COL22A1: variants seen among roughly 807,000 people sequenced by gnomAD.
COL22A1 encodes the protein collagen alpha-1(XXII) chain.
COL22A1 carries 221 observed loss-of-function variants against 248.9 expected under a neutral mutation model. The observed-to-expected ratio is 0.89, with a 90% CI of 0.80 to 0.99. The LOEUF (loss-of-function observed/expected upper bound fraction) is 0.99, where lower values mean the gene tolerates loss of function less well. Ranked by LOEUF, COL22A1 falls within the 50% of genes least tolerant of loss-of-function variation. The pLI, the probability that COL22A1 is intolerant of heterozygous loss-of-function variation, is 0.00. For synonymous variants in COL22A1, 891 were observed against 793.4 expected (o/e 1.12, Z -2.07); for missense variants, 2,240 against 2,179.0 (o/e 1.03, Z -0.56).
At chr8:138,883,359 C>T (rs1824390531) in intron 1 of COL22A1, 115 bp from the exon 2 acceptor site, 1 of 607,056 alleles carries the variant, frequency 1.6e-6, no homozygotes, top group Non-Finnish European at 2.9e-6. Flanking sequence ...CCCATCTTCC[C>T]TCCCGGATTC....
At position 138,606,414 on chromosome 8, in the gene COL22A1, T is replaced by C; in HGVS notation, c.4071A>G (p.Gly1357=). Residue 1357 remains glycine (G), a synonymous_variant, in exon 58 of 65, where the codon GGA becomes GGG. Transcript: ENST00000303045. ...KGSKGENGSP[G]LPGFLGPRGP... is the part of the protein sequence containing the mutation. ...CACGGGGACCCAGGAAGCCAGGAAG[T>C]CCTGGGCTGCCATTTTCCCCTTTGC... is the stretch of plus-strand genomic sequence containing the variant. 6.2e-7 allele frequency: 1 copy of C among 1,613,606 alleles called. No individual in the cohort carries two copies. Among genetic ancestry groups the C allele is most frequent in the East Asian group, 2.2e-5 (1 of 44,846 alleles).
chr8:138,883,498 C>T (rs570491305), intron 1 of COL22A1, among the ~76,000 whole-genome samples: 2 of 152,270 alleles, frequency 1.3e-5, no homozygotes, highest in East Asian at 1.9e-4. Flanking sequence ...TAGGAGAGGG[C>T]CTTGTGCCTG....
At chr8:138,795,357 G>A (rs1233056329) in intron 12 of COL22A1, among the ~76,000 whole-genome samples, 9 of 152,164 alleles carry the variant, frequency 5.9e-5, no homozygotes, top group Non-Finnish European at 1.3e-4. Flanking sequence ...CAATTTACAT[G>A]TGTGCCTATG....
rs979949320 is a variant in COL22A1 at position 138,741,858 on chromosome 8, G to C, written c.2086-4281C>G. Reference sequence around the variant, plus strand: ...TAATAATGGTGGTGGTGGCGGTGATGGGGTCTTGTGGTGGCATTGATGATG... The same window carrying C: ...TAATAATGGTGGTGGTGGCGGTGATCGGGTCTTGTGGTGGCATTGATGATG... On this transcript the variant is annotated intron_variant, in intron 22 of 64. Coordinates refer to ENST00000303045, the MANE Select transcript of COL22A1 (RefSeq NM_152888.3). Among the ~76,000 whole-genome samples, 52 of 152,302 alleles carry C rather than the reference G, an allele frequency of 3.4e-4. 1 individual carries two copies. Among genetic ancestry groups the C allele is most frequent in the African/African-American group, 1.1e-3 (47 of 41,568 alleles).
chr8:138,902,524 G>A (rs781573468), intron 1 of COL22A1, among the ~76,000 whole-genome samples: 4 of 151,624 alleles, frequency 2.6e-5, no homozygotes, highest in Non-Finnish European at 4.4e-5. Context: ...GGTGAAACCC[G>A]GTCTCTACTA....
intron 62 of COL22A1, among the ~76,000 whole-genome samples, chr8:138,595,040 A>G (rs962370596): frequency 1.3e-5 from 2 of 152,164 alleles, no homozygotes; most frequent in Non-Finnish European, 2.9e-5. Flanking sequence ...TTTGTTAGCC[A>G]TGCAGTCATA....
intron 56 of COL22A1, among the ~76,000 whole-genome samples, chr8:138,610,934 T>C (rs375036494): frequency 6.6e-6 from 1 of 152,066 alleles, no homozygotes; most frequent in Non-Finnish European, 1.5e-5. Flanking sequence ...GGCATGGTGG[T>C]ATGCACTTGT....
intron 3 of COL22A1, among the ~76,000 whole-genome samples, chr8:138,875,261 T>C (rs1563872644): frequency 6.6e-6 from 1 of 152,104 alleles, no homozygotes; most frequent in Admixed American, 6.6e-5. Flanking sequence ...GGGAGAGGCC[T>C]GGAGTCTGAA....
intron 1 of COL22A1, among the ~76,000 whole-genome samples, chr8:138,901,371 T>G (rs1814549755): frequency 7.4e-6 from 1 of 135,326 alleles, no homozygotes; most frequent in African/African-American, 2.7e-5. Flanking sequence ...TTTTTTTTGT[T>G]TTTTTTTTTT....
chr8:138,853,013 T>A (rs1342135418), intron 3 of COL22A1, among the ~76,000 whole-genome samples: 2 of 151,062 alleles, frequency 1.3e-5, no homozygotes, highest in African/African-American at 4.9e-5. Flanking sequence ...TATATATACA[T>A]GCACATACAA....
intron 11 of COL22A1, among the ~76,000 whole-genome samples, chr8:138,799,586 T>C (rs1816830925): frequency 6.6e-6 from 1 of 152,206 alleles, no homozygotes; most frequent in African/African-American, 2.4e-5. Context: ...GCCTTGGACC[T>C]GTACATAATC....
chr8:138,680,970 G>A (rs1825915263), intron 39 of COL22A1, among the ~76,000 whole-genome samples: 1 of 152,138 alleles, frequency 6.6e-6, no homozygotes, highest in South Asian at 2.1e-4. Context: ...CCCATGTCAG[G>A]GATGTCTGCA....
intron 2 of COL22A1, among the ~76,000 whole-genome samples, chr8:138,879,263 A>G (rs1350079025): frequency 6.6e-6 from 1 of 152,190 alleles, no homozygotes; most frequent in Non-Finnish European, 1.5e-5. Flanking sequence ...CTCTGCACAG[A>G]TGAACATAAT....
chr8:138,665,998 T>A (rs1315042771), intron 41 of COL22A1, among the ~76,000 whole-genome samples: 1 of 151,600 alleles, frequency 6.6e-6, no homozygotes, highest in African/African-American at 2.4e-5. Context: ...GCAAATGTTA[T>A]TTCCTGAAGA....
At chr8:138,793,730 G>C (rs751759405) in intron 12 of COL22A1, among the ~76,000 whole-genome samples, 2 of 152,196 alleles carry the variant, frequency 1.3e-5, no homozygotes, top group Non-Finnish European at 2.9e-5. Flanking sequence ...CCTGGCACCA[G>C]AAGGTGCCTT....
At chr8:138,852,591 G>A (rs1469258608) in intron 3 of COL22A1, among the ~76,000 whole-genome samples, 2 of 152,174 alleles carry the variant, frequency 1.3e-5, no homozygotes, top group African/African-American at 4.8e-5. Flanking sequence ...GCTGGAGCAG[G>A]GATAGTGTTT....
At chr8:138,889,115 A>G (rs1824870477) in intron 1 of COL22A1, among the ~76,000 whole-genome samples, 1 of 152,154 alleles carries the variant, frequency 6.6e-6, no homozygotes, top group Non-Finnish European at 1.5e-5. Flanking sequence ...CCACTGGGTA[A>G]AGGAGGACAC....
chr8:138,862,034 AAAAAAAAAAAAAAG>A (rs1486450511), intron 3 of COL22A1, among the ~76,000 whole-genome samples: 3 of 149,492 alleles, frequency 2.0e-5, no homozygotes, highest in East Asian at 1.9e-4. Flanking sequence ...ACTAAAAAAA[AAAAAAAAAAAAAAG>A]AAAAAAAGAA....
chr8:138,651,886 A>G (rs967708228), intron 45 of COL22A1, among the ~76,000 whole-genome samples: 2 of 152,242 alleles, frequency 1.3e-5, no homozygotes, highest in Non-Finnish European at 2.9e-5. Flanking sequence ...TGAGTAATAC[A>G]AAAATCTTAT....
Sources: allele counts gnomAD v4.1 joint callset (sites outside exome capture counted in the v4.1 genomes callset), GRCh38; gene constraint gnomAD v4.1.1; transcripts MANE v1.5; gene names NCBI Gene and HGNC (gene_info 2026-07-23, HGNC 2026-07-21).